Variants in XYLT1 observed in about 807,000 individuals in gnomAD.
XYLT1 encodes the protein xylosyltransferase 1, also known as beta-D-xylosyltransferase 1.
In XYLT1, 36 loss-of-function variants were observed where a neutral mutation model predicts 91.3. That is an observed-to-expected ratio of 0.39 (90% CI 0.30 to 0.52). The LOEUF (loss-of-function observed/expected upper bound fraction) is 0.52. XYLT1 is among the 20% of genes least tolerant of loss of function. The pLI is 0.68. For missense variants in XYLT1, 1,242 were observed against 1,284.5 expected (o/e 0.97, Z 0.51); for synonymous variants, 588 against 532.0 (o/e 1.11, Z -1.45).
intron 6 of XYLT1, among the ~76,000 whole-genome samples, chr16:17,156,636 T>C (rs997938064): frequency 6.6e-6 from 1 of 152,208 alleles, no homozygotes. Context: ...TACAGCTGCA[T>C]TGAGTGGCTG....
At chr16:17,326,586 G>A (rs1412047056) in intron 2 of XYLT1, among the ~76,000 whole-genome samples, 1 of 151,926 alleles carries the variant, frequency 6.6e-6, no homozygotes. Flanking sequence ...CACTTTCGGA[G>A]GCCGAGGCGG....
chr16:17,433,614 A>G (rs1362736588), intron 1 of XYLT1, among the ~76,000 whole-genome samples: 2 of 152,200 alleles, frequency 1.3e-5, no homozygotes, highest in African/African-American at 4.8e-5. Flanking sequence ...AAGTGGGTCC[A>G]GCCATGACCC....
intron 3 of XYLT1, among the ~76,000 whole-genome samples, chr16:17,219,280 C>CAAAAAA (rs369055155): frequency 1.2e-3 from 99 of 84,480 alleles, no homozygotes; most frequent in South Asian, 2.0e-3. Context: ...GACTTTGTCT[C>CAAAAAA]AAAAAAAAAA....
At chr16:17,398,788 C>G (rs960696086) in intron 1 of XYLT1, among the ~76,000 whole-genome samples, 2 of 148,602 alleles carry the variant, frequency 1.3e-5, no homozygotes, top group African/African-American at 5.0e-5. Context: ...AGTGTCCTCC[C>G]TGTGTGCATG....
chr16:17,173,704 C>T (rs528165463), intron 5 of XYLT1, among the ~76,000 whole-genome samples: 29 of 152,368 alleles, frequency 1.9e-4, no homozygotes, highest in African/African-American at 5.0e-4. Context: ...CCAGCTGAGA[C>T]GAGCCTAACT....
rs568462951 is a variant in XYLT1, at chr16:17,386,933, G to C, written c.364-28883C>G. Among the ~76,000 whole-genome samples, 38 of 152,298 alleles carry C rather than the reference G, an allele frequency of 2.5e-4. No homozygotes were observed. The South Asian group carries it at 7.9e-3, about 32-fold the overall frequency. On this transcript the variant is annotated intron_variant, in intron 1 of 11. Coordinates refer to ENST00000261381, the MANE Select transcript of XYLT1 (RefSeq NM_022166.4). ...GCAAATTTAATAGTCAAGCCAAAGC[G>C]CATGAACCTGGCTCTGAGGTTAGAT... is the stretch of plus-strand genomic sequence containing the variant.
At chr16:17,369,627 G>A (rs8049879) in intron 1 of XYLT1, 5,740 of 152,388 alleles carry the variant, frequency 0.038, 360 homozygotes, top group African/African-American at 0.13. Flanking sequence ...TCGGGATCCC[G>A]TGACTTCACA....
At chr16:17,225,937 A>G (rs1009609545) in intron 3 of XYLT1, among the ~76,000 whole-genome samples, 2 of 152,188 alleles carry the variant, frequency 1.3e-5, no homozygotes, top group South Asian at 2.1e-4. Flanking sequence ...TGTAAATTAC[A>G]TATTTACCTT....
At chr16:17,130,001 T>TCAAGATGC (rs1207875396) in intron 9 of XYLT1, among the ~76,000 whole-genome samples, 2 of 152,246 alleles carry the variant, frequency 1.3e-5, no homozygotes, top group African/African-American at 4.8e-5. Flanking sequence ...AGCCAGGGCC[T>TCAAGATGC]CAAGATGCCT....
At position 17,404,957 on chromosome 16, in the gene XYLT1, AAT is replaced by A. The variant is rs1365985406; in HGVS notation, c.364-46909_364-46908del. Among the ~76,000 whole-genome samples the A allele has an allele frequency of 2.0e-5, 3 of 152,274 alleles. No homozygotes were observed. The East Asian group carries it at 5.8e-4, about 29-fold the overall frequency. On this transcript the variant is annotated intron_variant, in intron 1 of 11. Coordinates refer to ENST00000261381, the MANE Select transcript of XYLT1 (RefSeq NM_022166.4). The stretch of plus-strand genomic sequence containing the variant: ...CCTCTGAGAGGTGCCCTCCACACAG[AAT>A]ACAACATACACTTGTAATATTGCCA...
chr16:17,324,058 C>T (rs1052525315), intron 2 of XYLT1, among the ~76,000 whole-genome samples: 3 of 152,190 alleles, frequency 2.0e-5, no homozygotes, highest in Non-Finnish European at 2.9e-5. Context: ...GACAGGCACA[C>T]TCTGAGACCC....
intron 2 of XYLT1, among the ~76,000 whole-genome samples, chr16:17,298,847 G>T (rs1181268763): frequency 1.3e-5 from 2 of 152,090 alleles, no homozygotes; most frequent in African/African-American, 4.8e-5. Flanking sequence ...ACTTGTCAGA[G>T]GACACGCCCT....
intron 2 of XYLT1, among the ~76,000 whole-genome samples, chr16:17,263,305 C>G (rs1236560615): frequency 6.6e-6 from 1 of 152,116 alleles, no homozygotes; most frequent in African/African-American, 2.4e-5. Context: ...TGAAGCTAAT[C>G]TGACAATCAG....
intron 1 of XYLT1, among the ~76,000 whole-genome samples, chr16:17,358,951 C>T (rs758964401): frequency 6.6e-6 from 1 of 151,918 alleles, no homozygotes; most frequent in Non-Finnish European, 1.5e-5. Flanking sequence ...GTACAAAAGC[C>T]GATTGACTGG....
intron 1 of XYLT1, among the ~76,000 whole-genome samples, chr16:17,376,092 G>C (rs1161808840): frequency 6.6e-6 from 1 of 152,260 alleles, no homozygotes; most frequent in Non-Finnish European, 1.5e-5. Flanking sequence ...TTGCCCTAGG[G>C]CTTAGAGGGG....
At chr16:17,310,668 G>A (rs1220652120) in intron 2 of XYLT1, among the ~76,000 whole-genome samples, 1 of 152,126 alleles carries the variant, frequency 6.6e-6, no homozygotes, top group Non-Finnish European at 1.5e-5. Context: ...GGCTAACATG[G>A]CGAAACCCCA....
intron 10 of XYLT1, 95 bp from the exon 11 acceptor site, chr16:17,118,074 C>A (rs1434933072): frequency 7.0e-6 from 9 of 1,284,514 alleles, no homozygotes; most frequent in Non-Finnish European, 9.6e-6. Context: ...CTTTCATATA[C>A]CCATTTTACA....
In XYLT1 at chr16:17,116,692, G is replaced by T. The variant is rs569858695; in HGVS notation, c.2557+954C>A. Among the ~76,000 whole-genome samples, 6 of 152,314 alleles carry T rather than the reference G, an allele frequency of 3.9e-5. No homozygotes were observed. In the South Asian group the frequency reaches 1.0e-3, roughly 26 times the overall value. On this transcript the variant is annotated intron_variant, in intron 11 of 11. Transcript: ENST00000261381. ...GGGTCAGACGTCTGTGGTAGGGTGT[G>T]TGTATGTTCAGCTTTACTAGGAGAT... is the stretch of plus-strand genomic sequence containing the variant.
chr16:17,372,688 A>G (rs2035551635), intron 1 of XYLT1, among the ~76,000 whole-genome samples: 1 of 152,232 alleles, frequency 6.6e-6, no homozygotes, highest in Non-Finnish European at 1.5e-5. Context: ...AATAGTGGCT[A>G]AGAACATGGA....
Sources: allele counts gnomAD v4.1 joint callset (sites outside exome capture counted in the v4.1 genomes callset), GRCh38; gene constraint gnomAD v4.1.1; transcripts MANE v1.5; gene names NCBI Gene and HGNC (gene_info 2026-07-23, HGNC 2026-07-21).